Variants in MAPK8 observed in about 807,000 individuals in gnomAD.
The protein encoded by MAPK8 is mitogen-activated protein kinase 8.
MAPK8 carries 13 observed loss-of-function variants against 52.9 expected under a neutral mutation model. That is an observed-to-expected ratio of 0.25 (90% CI 0.16 to 0.39). The LOEUF is 0.39. MAPK8 is among the 10% of genes least tolerant of loss of function. MAPK8 has a pLI of 1.00. For synonymous variants in MAPK8, 191 were observed against 169.8 expected, an observed-to-expected ratio of 1.12 and a Z score of -0.97; for missense variants, 300 against 519.2, an observed-to-expected ratio of 0.58 and a Z score of 4.10.
chr10:48,343,302 C>G (rs558303650), intron 1 of MAPK8, among the ~76,000 whole-genome samples: 189 of 152,290 alleles, frequency 1.2e-3, no homozygotes, highest in African/African-American at 4.3e-3. Context: ...CTTGGCTTAT[C>G]TCCACATCAC....
intron 1 of MAPK8, among the ~76,000 whole-genome samples, chr10:48,386,797 C>T (rs2132800415): frequency 6.6e-6 from 1 of 152,304 alleles, no homozygotes; most frequent in African/African-American, 2.4e-5. Context: ...ACCTCATCTC[C>T]ATTGAAATAT....
Position 48,427,102 on chromosome 10 carries a change from A to C in MAPK8, c.1019A>C (p.Lys340Thr). ...CAGCCACCACCAAAGATCCCTGACA[A>C]GCAGTTAGATGAAAGGGAACACACA... ...AEAPPPKIPD[K>T]QLDEREHTIE... Residue 340 changes from lysine to threonine, a missense_variant, in exon 10 of 12, where the codon AAG (lysine) becomes ACG (threonine). Around this residue, in one of 3 missense-constraint regions of MAPK8, gnomAD observed 119 missense variants for 154.4 expected, o/e 0.77. Transcript: ENST00000374189. 6.2e-7 allele frequency: 1 copy of C among 1,613,390 alleles called. No homozygotes were observed. Among genetic ancestry groups the C allele is most frequent in the Non-Finnish European group, 8.5e-7 (1 of 1,179,532 alleles).
intron 1 of MAPK8, chr10:48,325,844 A>T (rs763963404): frequency 6.6e-6 from 1 of 152,164 alleles, no homozygotes; most frequent in African/African-American, 2.4e-5. Flanking sequence ...TGACTGCTCA[A>T]ATATTTTGTA....
intron 2 of MAPK8, among the ~76,000 whole-genome samples, chr10:48,403,508 A>T (rs1254556826): frequency 6.6e-6 from 1 of 152,122 alleles, no homozygotes; most frequent in Admixed American, 6.5e-5. Context: ...AGATTTAATA[A>T]ATTTGCATAA....
intron 1 of MAPK8, among the ~76,000 whole-genome samples, chr10:48,327,203 GT>G (rs1843619496): frequency 1.3e-5 from 2 of 152,030 alleles, no homozygotes; most frequent in Admixed American, 1.3e-4. Context: ...ACTGTAGAGG[GT>G]TTTTTGAGGG....
At chr10:48,336,272 C>A (rs576796198) in intron 1 of MAPK8, among the ~76,000 whole-genome samples, 2 of 152,036 alleles carry the variant, frequency 1.3e-5, no homozygotes, top group Non-Finnish European at 2.9e-5. Flanking sequence ...CACTCAAAAG[C>A]TAAGAAACAA....
intron 1 of MAPK8, among the ~76,000 whole-genome samples, chr10:48,332,611 A>C (rs948259126): frequency 6.6e-6 from 1 of 152,162 alleles, no homozygotes; most frequent in African/African-American, 2.4e-5. Flanking sequence ...TAAATAGTCT[A>C]ATTTCTTCCT....
At chr10:48,326,242 G>A (rs1416696366) in intron 1 of MAPK8, among the ~76,000 whole-genome samples, 1 of 152,148 alleles carries the variant, frequency 6.6e-6, no homozygotes. Context: ...ATTTATATCA[G>A]TATGGACTCA....
Position 48,401,801 on chromosome 10 carries a change from A to C in MAPK8, c.122+19A>C. 7.1e-7 allele frequency: 1 copy of C among 1,400,004 alleles called. No homozygotes were observed. Among genetic ancestry groups the C allele is most frequent in the South Asian group, 1.9e-5 (1 of 52,934 alleles). The allele number at this position is 1,400,004 out of a possible 1,614,324, so 86.7% of individuals were successfully genotyped here. A position where few individuals can be genotyped will look rare whatever the true frequency, so the allele number is the denominator to read the frequency against. ...TAGTATGGTAAGTGTTTACTTCCAAAAATTAGGCAAAGAATCATTAACTGC... is the reference window on the plus strand; with the variant it reads ...TAGTATGGTAAGTGTTTACTTCCAACAATTAGGCAAAGAATCATTAACTGC... On this transcript the variant is annotated intron_variant, in intron 2 of 11. Transcript: ENST00000374189.
At chr10:48,324,983 C>CTT (rs200829937) in intron 1 of MAPK8, among the ~76,000 whole-genome samples, 6 of 79,770 alleles carry the variant, frequency 7.5e-5, no homozygotes, top group African/African-American at 1.9e-4. Context: ...CCCTATCATC[C>CTT]TTTTTTTTTT....
intron 7 of MAPK8, chr10:48,424,481 CTTTATGT>C: frequency 1.5e-6 from 2 of 1,360,798 alleles, no homozygotes; most frequent in Non-Finnish European, 2.0e-6. Flanking sequence ...TAACCAAAAT[CTTTATGT>C]TAATGTCATT....
At chr10:48,353,995 G>A (rs1446014546) in intron 1 of MAPK8, among the ~76,000 whole-genome samples, 1 of 152,168 alleles carries the variant, frequency 6.6e-6, no homozygotes. Flanking sequence ...CTGTGATAAA[G>A]CGATACATAG....
chr10:48,417,885 C>T (rs2043148945), intron 5 of MAPK8, among the ~76,000 whole-genome samples: 1 of 152,194 alleles, frequency 6.6e-6, no homozygotes, highest in Non-Finnish European at 1.5e-5. Flanking sequence ...TAAATGCAAC[C>T]AGTAGCTACC....
chr10:48,433,680 A>G (rs1470731810), intron 11 of MAPK8, among the ~76,000 whole-genome samples: 1 of 152,022 alleles, frequency 6.6e-6, no homozygotes, highest in Non-Finnish European at 1.5e-5. Context: ...TATTCCCACT[A>G]CACTGCCTAT....
chr10:48,404,828 G>T (rs1409372355), intron 2 of MAPK8, 24 bp from the exon 3 acceptor site: 3 of 1,572,802 alleles, frequency 1.9e-6, no homozygotes, highest in Admixed American at 3.9e-5. Context: ...GTTTTTTTGT[G>T]TGTTTTTGAA....
At chr10:48,397,066 C>T (rs1349844084) in intron 1 of MAPK8, among the ~76,000 whole-genome samples, 4 of 152,158 alleles carry the variant, frequency 2.6e-5, no homozygotes, top group Non-Finnish European at 4.4e-5. Context: ...GAAACTAACA[C>T]TGGTATAAAA....
chr10:48,332,358 A>C (rs1844237925), intron 1 of MAPK8, among the ~76,000 whole-genome samples: 1 of 152,198 alleles, frequency 6.6e-6, no homozygotes, highest in Admixed American at 6.5e-5. Context: ...ATACTTGTTT[A>C]GCAGGGGTAT....
At chr10:48,425,412 T>G in intron 7 of MAPK8, 5 of 450,796 alleles carry the variant, frequency 1.1e-5, no homozygotes, top group Non-Finnish European at 2.0e-5. Context: ...GAAGCCTTTA[T>G]TTTTATTACA....
chr10:48,387,978 CT>C (rs934033832), intron 1 of MAPK8, among the ~76,000 whole-genome samples: 1 of 152,122 alleles, frequency 6.6e-6, no homozygotes, highest in Non-Finnish European at 1.5e-5. Context: ...AATATGAAAT[CT>C]TTTGTGTACA....
Sources: allele counts gnomAD v4.1 joint callset (sites outside exome capture counted in the v4.1 genomes callset), GRCh38; gene constraint gnomAD v4.1.1; regional missense constraint gnomAD v4.1.1; transcripts MANE v1.5; gene names NCBI Gene and HGNC (gene_info 2026-07-23, HGNC 2026-07-21).